The following CYP46A1 variants were observed in gnomAD, a reference collection of about 807,000 sequenced individuals.
CYP46A1 encodes cytochrome P450 family 46 subfamily A member 1, also known as cholesterol 24-hydroxylase.
CYP46A1 carries 20 observed loss-of-function variants against 63.3 expected under a neutral mutation model. That is an observed-to-expected ratio of 0.32 (90% confidence interval 0.22 to 0.46). CYP46A1 has a LOEUF of 0.46. CYP46A1 is among the 20% of genes least tolerant of loss of function. The pLI is 1.00. For synonymous variants in CYP46A1, 268 were observed against 273.6 expected, an observed-to-expected ratio of 0.98 and a Z score of 0.20; for missense variants, 445 against 670.8, an observed-to-expected ratio of 0.66 and a Z score of 3.72.
At chr14:99,709,130 C>T (rs374665454) in intron 7 of CYP46A1, 1 of 151,896 alleles carries the variant, frequency 6.6e-6, no homozygotes, top group East Asian at 1.9e-4. Flanking sequence ...CACAAAGGGG[C>T]AAAAGAAACA....
chr14:99,701,348 A>C (rs1193284321), intron 5 of CYP46A1, among the ~76,000 whole-genome samples: 10 of 152,226 alleles, frequency 6.6e-5, no homozygotes, highest in Admixed American at 6.5e-4. Context: ...ATTCACAGTA[A>C]GTGCCCTATC....
intron 5 of CYP46A1, among the ~76,000 whole-genome samples, chr14:99,704,377 G>A (rs1158165653): frequency 2.6e-5 from 4 of 152,170 alleles, no homozygotes; most frequent in Non-Finnish European, 5.9e-5. Context: ...AAGTATTATT[G>A]AGCCTTGGTG....
intron 3 of CYP46A1, among the ~76,000 whole-genome samples, chr14:99,695,677 C>T (rs2056581905): frequency 6.7e-6 from 1 of 150,236 alleles, no homozygotes; most frequent in Non-Finnish European, 1.5e-5. Flanking sequence ...GTTGCCCAAG[C>T]TAGAGTGCAA....
At chr14:99,714,743 A>C (rs2056771596) in intron 7 of CYP46A1, among the ~76,000 whole-genome samples, 1 of 150,290 alleles carries the variant, frequency 6.7e-6, no homozygotes, top group Non-Finnish European at 1.5e-5. Context: ...CTGGGCAACA[A>C]GAGTGAAACC....
At chr14:99,709,430 A>G (rs2056709733) in intron 7 of CYP46A1, 1 of 152,320 alleles carries the variant, frequency 6.6e-6, no homozygotes, top group Admixed American at 6.5e-5. Context: ...AACTTCAACA[A>G]TAGACTAGAT....
chr14:99,708,734 C>A, intron 7 of CYP46A1: 1 of 153,144 alleles, frequency 6.5e-6, no homozygotes. Context: ...TGCCTGTGTG[C>A]AATATTGGAG....
chr14:99,694,564 A>G (rs1210441065), intron 3 of CYP46A1, among the ~76,000 whole-genome samples: 1 of 148,542 alleles, frequency 6.7e-6, no homozygotes, highest in Non-Finnish European at 1.5e-5. Context: ...CAGTGGCGTG[A>G]TCTCAGCTTA....
At chr14:99,713,551 T>G (rs1466296630) in intron 7 of CYP46A1, 4 of 151,658 alleles carry the variant, frequency 2.6e-5, no homozygotes, top group African/African-American at 9.7e-5. Context: ...ATTTTATAGC[T>G]AAGACTTCAA....
chr14:99,692,500 T>C (rs1489096348), intron 3 of CYP46A1, among the ~76,000 whole-genome samples: 1 of 147,112 alleles, frequency 6.8e-6, no homozygotes, highest in Admixed American at 6.8e-5. Flanking sequence ...GATCGTGCCA[T>C]GGCACTCCAG....
chr14:99,718,073 C>T lies in CYP46A1; in HGVS notation c.927C>T (p.Asn309=), dbSNP rs1243711360. The change falls in exon 10 of 15, where the codon AAC becomes AAT. Residue 309 remains asparagine, a synonymous_variant. Coordinates refer to ENST00000261835, the MANE Select transcript of CYP46A1 (RefSeq NM_006668.2). The part of the protein sequence containing the change: ...FFIAGHETSA[N]HLAFTVMELS... Reference sequence around the variant, plus strand: ...CCACAGGTCACGAGACCTCTGCCAACCACTTGGCGTTCACAGTGATGGAGC... The same window carrying T: ...CCACAGGTCACGAGACCTCTGCCAATCACTTGGCGTTCACAGTGATGGAGC... The T allele has an allele frequency of 6.2e-7, 1 of 1,614,032 alleles. No individual in the cohort carries two copies. Among genetic ancestry groups the T allele is most frequent in the African/African-American group, 1.3e-5 (1 of 74,940 alleles).
At position 99,699,608 on chromosome 14, in the gene CYP46A1, G is replaced by A. The variant is rs114946322; in HGVS notation, c.356+69G>A. 237 of 1,525,700 alleles carry A rather than the reference G, an allele frequency of 1.6e-4. 2 individuals are homozygous for A. In the African/African-American group the frequency reaches 2.3e-3, roughly 15 times the overall value. The allele number at this position is 1,525,700 out of a possible 1,614,324, so 94.5% of individuals were successfully genotyped here. ...CCCTGCTGTGAGTGAGGGCCAGTGC[G>A]GTCCAGAATGTGGGGTGTAGAATTG... is the stretch of plus-strand genomic sequence containing the variant. On this transcript the variant is annotated intron_variant, in intron 4 of 14. Coordinates refer to ENST00000261835, the MANE Select transcript of CYP46A1 (RefSeq NM_006668.2).
chr14:99,685,855 A>G (rs2056489500), intron 1 of CYP46A1, among the ~76,000 whole-genome samples: 1 of 151,586 alleles, frequency 6.6e-6, no homozygotes, highest in Non-Finnish European at 1.5e-5. Flanking sequence ...TCTGCCTTCT[A>G]CTTTACCTGG....
chr14:99,691,462 T>A, intron 2 of CYP46A1: 1 of 569,794 alleles, frequency 1.8e-6, no homozygotes, highest in Non-Finnish European at 3.1e-6. Context: ...TGTCACTTTT[T>A]TACATTTTTC....
At chr14:99,719,378 A>ATTTTTTTTTTTTTTTTTTTTTTT (rs55679517) in intron 10 of CYP46A1, among the ~76,000 whole-genome samples, 6 of 142,566 alleles carry the variant, frequency 4.2e-5, no homozygotes, top group African/African-American at 1.3e-4. Context: ...CACCTGGCTA[A>ATTTTTTTTTTTTTTTTTTTTTTT]TTTTTTTTTT....
chr14:99,713,185 C>T (rs1285222311), intron 7 of CYP46A1: 1 of 152,226 alleles, frequency 6.6e-6, no homozygotes, highest in Non-Finnish European at 1.5e-5. Context: ...AATACCAGCA[C>T]TTTGGGAGGC....
At chr14:99,714,631 G>C (rs1425481881) in intron 7 of CYP46A1, among the ~76,000 whole-genome samples, 1 of 151,926 alleles carries the variant, frequency 6.6e-6, no homozygotes, top group Non-Finnish European at 1.5e-5. Flanking sequence ...ATGGTGATGG[G>C]CACCTGTAAT....
intron 5 of CYP46A1, among the ~76,000 whole-genome samples, chr14:99,705,130 G>A (rs1364621606): frequency 6.6e-6 from 1 of 152,194 alleles, no homozygotes; most frequent in Non-Finnish European, 1.5e-5. Context: ...AGAGCCCCAG[G>A]CTCACCTGCT....
intron 5 of CYP46A1, among the ~76,000 whole-genome samples, chr14:99,702,696 ATATATT>A (rs1196006591): frequency 7.9e-5 from 12 of 152,142 alleles, no homozygotes; most frequent in African/African-American, 2.2e-4. Context: ...GTGTATATAC[ATATATT>A]TATATTTTTT....
At chr14:99,697,164 A>G (rs903239276) in intron 3 of CYP46A1, among the ~76,000 whole-genome samples, 1 of 152,210 alleles carries the variant, frequency 6.6e-6, no homozygotes, top group Non-Finnish European at 1.5e-5. Flanking sequence ...GTTCCACCCT[A>G]CATTTGCATA....
Sources: gnomAD v4.1 joint callset for allele counts (sites outside exome capture counted in the v4.1 genomes callset) on GRCh38, gnomAD v4.1.1 for gene constraint, MANE v1.5 for transcripts, NCBI Gene and HGNC (gene_info 2026-07-23, HGNC 2026-07-21) for gene names.